TRIM2: variants seen among roughly 807,000 people sequenced by gnomAD.
The protein encoded by TRIM2 is tripartite motif containing 2, also known as tripartite motif-containing protein 2.
TRIM2 carries 20 observed loss-of-function variants against 75.2 expected under a neutral mutation model. The ratio of observed to expected loss-of-function variants is 0.27; its 90% CI spans 0.19 to 0.39. The LOEUF is 0.39. Ranked by LOEUF, TRIM2 falls within the 10% of genes least tolerant of loss-of-function variation. The pLI is 1.00. For missense variants in TRIM2, 660 were observed against 990.8 expected (o/e 0.67, Z 4.48); for synonymous variants, 373 against 388.3 (o/e 0.96, Z 0.46).
rs1351734598 is a variant in TRIM2 at position 153,334,994 on chromosome 4, T to C, written c.*28T>C. The C allele has an allele frequency of 1.4e-5, 23 of 1,597,032 alleles. No individual in the cohort carries two copies. Among genetic ancestry groups the C allele is most frequent in the Non-Finnish European group, 1.7e-5 (20 of 1,169,586 alleles). ...GTGGGCAGGTGGATACCCGCTTCCA[T>C]GGTCTTGCACTATAAACTGGAATGG... is the stretch of plus-strand genomic sequence containing the variant. On this transcript the variant is annotated 3_prime_UTR_variant, in exon 12 of 12. Transcript: ENST00000338700.
chr4:153,299,305 G>A (rs1039517243), intron 6 of TRIM2, among the ~76,000 whole-genome samples: 1 of 152,072 alleles, frequency 6.6e-6, no homozygotes, highest in African/African-American at 2.4e-5. Flanking sequence ...ACAAATGACA[G>A]GATTTCCTCA....
intron 1 of TRIM2, among the ~76,000 whole-genome samples, chr4:153,228,016 GA>G (rs1468786741): frequency 6.6e-6 from 1 of 152,178 alleles, no homozygotes; most frequent in Non-Finnish European, 1.5e-5. Flanking sequence ...GTTAGTCCAA[GA>G]AAGAGATTAT....
chr4:153,178,594 G>C (rs562022122), intron 1 of TRIM2, among the ~76,000 whole-genome samples: 84 of 152,182 alleles, frequency 5.5e-4, no homozygotes, highest in Non-Finnish European at 1.0e-3. Flanking sequence ...CAGTGTTTTT[G>C]GTTCCTTGAG....
At position 153,338,958 on chromosome 4, in the gene TRIM2, T is replaced by TG. The variant is rs1772783107; in HGVS notation, c.*3992_*3993insG. 1.1e-5 allele frequency: 11 copies of TG among 985,526 alleles called. No individual in the cohort carries two copies. The highest frequency in any genetic ancestry group is 1.2e-5 in the Non-Finnish European group (10 of 829,744). The allele number at this position is 985,526 out of a possible 1,614,324, so 61.0% of individuals were successfully genotyped here. A position where few individuals can be genotyped will look rare whatever the true frequency, so the allele number is the denominator to read the frequency against. On this transcript the variant is annotated 3_prime_UTR_variant, in exon 12 of 12. Coordinates refer to ENST00000338700, the MANE Select transcript of TRIM2 (RefSeq NM_015271.5). Reference sequence around the variant, plus strand: ...CTATGTATGAATATGAAGGGGTTTTTTTTTTTTGCTTTGTTTTCTTTTTAG... The same window carrying TG: ...CTATGTATGAATATGAAGGGGTTTTTGTTTTTTTGCTTTGTTTTCTTTTTAG...
rs112912164 is a variant in TRIM2 at position 153,328,940 on chromosome 4, T to C, written c.2163+270T>C. 5.0e-3 allele frequency among the ~76,000 whole-genome samples: 762 copies of C among 152,268 alleles called. 6 individuals carry two copies. Among genetic ancestry groups the C allele is most frequent in the African/African-American group, 0.017 (719 of 41,542 alleles). On this transcript the variant is annotated intron_variant, in intron 11 of 11. Transcript: ENST00000338700. ...ATTCAAGGGGGCCATTGAATAAAAA[T>C]ACTACATTATTATATTTATGAACCT... is the stretch of plus-strand genomic sequence containing the variant.
At chr4:153,231,211 G>T (rs1034211342) in intron 1 of TRIM2, among the ~76,000 whole-genome samples, 3 of 152,144 alleles carry the variant, frequency 2.0e-5, no homozygotes, top group Non-Finnish European at 4.4e-5. Context: ...TTTCAATAGA[G>T]ATTGTTTACT....
chr4:153,244,355 C>CTTCTCCTTCTTCTTCT (rs1748079616), intron 1 of TRIM2, among the ~76,000 whole-genome samples: 1 of 12,714 alleles, frequency 7.9e-5, no homozygotes, highest in East Asian at 2.0e-3. Context: ...CTTCTTCTTC[C>CTTCTCCTTCTTCTTCT]TCTTCTTCTT....
chr4:153,294,647 C>T (rs1024115018), intron 5 of TRIM2, among the ~76,000 whole-genome samples, 162 bp downstream of exon 5: 1 of 152,164 alleles, frequency 6.6e-6, no homozygotes, highest in Non-Finnish European at 1.5e-5. Context: ...CCCCTATTTT[C>T]AGCAAAATTC....
intron 1 of TRIM2, among the ~76,000 whole-genome samples, chr4:153,254,725 A>G (rs890971258): frequency 3.9e-5 from 6 of 152,246 alleles, no homozygotes; most frequent in Non-Finnish European, 1.5e-5. Flanking sequence ...GCATTTTCCT[A>G]TAATAAGCAA....
At chr4:153,242,132 C>T (rs9997436) in intron 1 of TRIM2, among the ~76,000 whole-genome samples, 30,071 of 152,102 alleles carry the variant, frequency 0.2, 4,060 homozygotes, top group African/African-American at 0.38. Flanking sequence ...TTTATCACTT[C>T]ACCCTGCTCA....
intron 4 of TRIM2, among the ~76,000 whole-genome samples, 164 bp from the exon 5 acceptor site, chr4:153,294,141 T>C (rs1344345019): frequency 6.6e-6 from 1 of 152,196 alleles, no homozygotes; most frequent in Non-Finnish European, 1.5e-5. Context: ...ATCTCTTCTC[T>C]CTAAGGCAGT....
rs1425477130 is a variant in TRIM2 at position 153,295,044 on chromosome 4, C to T, written c.787-269C>T. Among the ~76,000 whole-genome samples, 2 of 152,202 alleles carry T rather than the reference C, an allele frequency of 1.3e-5. No individual in the cohort carries two copies. The highest frequency in any genetic ancestry group is 1.5e-5 in the Non-Finnish European group (1 of 68,032). On this transcript the variant is annotated intron_variant, in intron 5 of 11. Coordinates refer to ENST00000338700, the MANE Select transcript of TRIM2 (RefSeq NM_015271.5). The surrounding 1 kb of genome is among the most constrained non-coding windows in gnomAD (Gnocchi z 7.2). ...TAATTTGCTATGCTCTTGGTAGTGACCTTTCTGTTTTCCCCTCTCCAAAAC... is the reference window on the plus strand; with the variant it reads ...TAATTTGCTATGCTCTTGGTAGTGATCTTTCTGTTTTCCCCTCTCCAAAAC...
At chr4:153,323,340 T>C (rs962115683) in intron 9 of TRIM2, among the ~76,000 whole-genome samples, 22 of 152,216 alleles carry the variant, frequency 1.4e-4, no homozygotes, top group African/African-American at 5.3e-4. Context: ...AGGCTGAAAA[T>C]AGCTTATTAA....
intron 1 of TRIM2, among the ~76,000 whole-genome samples, chr4:153,266,489 C>T (rs570090893): frequency 4.9e-4 from 75 of 151,948 alleles, no homozygotes; most frequent in Middle Eastern, 3.4e-3. Context: ...ACTACAGGTG[C>T]GCACCACCAC....
chr4:153,299,777 T>C (rs945324664), intron 6 of TRIM2, among the ~76,000 whole-genome samples: 18 of 152,218 alleles, frequency 1.2e-4, no homozygotes, highest in African/African-American at 4.3e-4. Flanking sequence ...CACCTTTAGT[T>C]ACCTGTTCCT....
intron 1 of TRIM2, among the ~76,000 whole-genome samples, chr4:153,260,771 GATAATGC>G (rs1250719064): frequency 7.4e-6 from 1 of 134,956 alleles, no homozygotes; most frequent in Admixed American, 8.1e-5. Context: ...CATCAGGAAA[GATAATGC>G]ATCTAGCCTT....
intron 2 of TRIM2, among the ~76,000 whole-genome samples, chr4:153,273,684 T>C (rs1450184096): frequency 6.6e-6 from 1 of 152,108 alleles, no homozygotes; most frequent in African/African-American, 2.4e-5. Flanking sequence ...CCCTTGGAAC[T>C]CACAGCCTAG....
At chr4:153,229,997 T>A (rs182514251) in intron 1 of TRIM2, among the ~76,000 whole-genome samples, 33 of 152,292 alleles carry the variant, frequency 2.2e-4, no homozygotes, top group African/African-American at 7.7e-4. Context: ...CTACTATCTA[T>A]TGATGGGGGC....
intron 2 of TRIM2, among the ~76,000 whole-genome samples, chr4:153,271,922 G>A (rs533785052): frequency 1.3e-5 from 2 of 152,118 alleles, no homozygotes; most frequent in Non-Finnish European, 2.9e-5. Flanking sequence ...CCTATCTATT[G>A]TTTGGGTCCT....
Sources: gnomAD v4.1 joint callset for allele counts (sites outside exome capture counted in the v4.1 genomes callset) on GRCh38, gnomAD v4.1.1 for gene constraint, Gnocchi (gnomAD v3.1) non-coding constraint, MANE v1.5 for transcripts, NCBI Gene and HGNC (gene_info 2026-07-23, HGNC 2026-07-21) for gene names.